DACH2: variants seen among roughly 807,000 people sequenced by gnomAD.
DACH2 encodes the protein dachshund family transcription factor 2, also known as dachshund homolog 2.
Under a neutral mutation model 35.8 loss-of-function variants are expected in DACH2, and 17 were observed. The ratio of observed to expected loss-of-function variants is 0.48; its 90% CI spans 0.33 to 0.71. The LOEUF is 0.71. Ranked by LOEUF, DACH2 falls within the 30% of genes least tolerant of loss-of-function variation. The probability of loss-of-function intolerance (pLI) is 0.02; values close to 1 mark genes in which losing one functional copy is unlikely to be tolerated. For missense variants in DACH2, 469 were observed against 472.7 expected (o/e 0.99, Z 0.07); for synonymous variants, 195 against 177.3 (o/e 1.10, Z -0.79).
chrX:86,609,406 C>A (rs745590937), intron 3 of DACH2, among the ~76,000 whole-genome samples: 8 of 112,237 alleles, frequency 7.1e-5, no homozygotes, highest in Admixed American at 1.9e-4. Flanking sequence ...TTCAATACAA[C>A]TATTTTGAAT....
intron 2 of DACH2, among the ~76,000 whole-genome samples, chrX:86,512,709 T>C (rs1225903641): frequency 8.9e-6 from 1 of 112,212 alleles, no homozygotes; most frequent in African/African-American, 3.2e-5. Context: ...ATGAAGCTTA[T>C]TCGATAAAAT....
chrX:86,255,204 C>G (rs886152879), intron 1 of DACH2, among the ~76,000 whole-genome samples: 3 of 111,129 alleles, frequency 2.7e-5, no homozygotes, highest in Non-Finnish European at 5.7e-5. Flanking sequence ...AAAGTTTTTT[C>G]TCTTTAATGT....
intron 7 of DACH2, chrX:86,799,055 C>A: frequency 3.4e-6 from 1 of 295,369 alleles, no homozygotes. Flanking sequence ...GGTATTCTTT[C>A]CCAAAGATAT....
At chrX:86,603,975 T>A (rs751400718) in intron 3 of DACH2, among the ~76,000 whole-genome samples, 16 of 111,497 alleles carry the variant, frequency 1.4e-4, no homozygotes, top group Non-Finnish European at 2.8e-4. Context: ...CTTATCAGTT[T>A]CTAGTTTCCT....
intron 3 of DACH2, among the ~76,000 whole-genome samples, chrX:86,554,150 T>C (rs968825887): frequency 9.0e-6 from 1 of 111,553 alleles, no homozygotes; most frequent in Non-Finnish European, 1.9e-5. Flanking sequence ...AATGAGAAGT[T>C]AATACAAGAG....
At chrX:86,493,807 C>T (rs975893085) in intron 2 of DACH2, among the ~76,000 whole-genome samples, 1 of 111,679 alleles carries the variant, frequency 9.0e-6, no homozygotes, top group East Asian at 2.8e-4. Flanking sequence ...TACAAAACAG[C>T]GGCAGATAAC....
chrX:86,643,491 C>G (rs1235025411), intron 3 of DACH2, among the ~76,000 whole-genome samples: 1 of 109,665 alleles, frequency 9.1e-6, no homozygotes, highest in African/African-American at 3.3e-5. Context: ...CCAAAAAAAG[C>G]CCAGGACCTG....
At chrX:86,347,136 A>T (rs997218844) in intron 1 of DACH2, among the ~76,000 whole-genome samples, 2 of 111,860 alleles carry the variant, frequency 1.8e-5, no homozygotes, top group Non-Finnish European at 3.8e-5. Context: ...CCCAGAGATA[A>T]TTTTTTTATT....
chrX:86,416,583 C>T (rs73631937), intron 2 of DACH2, among the ~76,000 whole-genome samples: 9,644 of 110,945 alleles, frequency 0.087, 1,061 homozygotes, highest in African/African-American at 0.3. Context: ...TGAAGAGTGT[C>T]TTAGTCCATT....
At chrX:86,816,386 G>A (rs946581146) in intron 11 of DACH2, among the ~76,000 whole-genome samples, 1 of 111,454 alleles carries the variant, frequency 9.0e-6, no homozygotes, top group African/African-American at 3.3e-5. Flanking sequence ...ATACACATTT[G>A]TATGTCAGGC....
At chrX:86,599,288 C>G (rs2039754668) in intron 3 of DACH2, among the ~76,000 whole-genome samples, 1 of 110,974 alleles carries the variant, frequency 9.0e-6, no homozygotes, top group Admixed American at 9.6e-5. Context: ...GCTCATTTCT[C>G]TCAGAATGAA....
At chrX:86,802,900 C>T (rs1194448365) in intron 7 of DACH2, among the ~76,000 whole-genome samples, 2 of 112,119 alleles carry the variant, frequency 1.8e-5, no homozygotes, top group East Asian at 5.6e-4. Flanking sequence ...TTTCTTTCTA[C>T]CTTACCCCAT....
chrX:86,547,122 C>T (rs1295634820), intron 3 of DACH2, among the ~76,000 whole-genome samples: 3 of 110,819 alleles, frequency 2.7e-5, no homozygotes, highest in Non-Finnish European at 3.8e-5. Flanking sequence ...ACATGAAACC[C>T]TCCAGTGCCC....
chrX:86,178,853 C>T (rs1391991403), intron 1 of DACH2, among the ~76,000 whole-genome samples: 1 of 111,735 alleles, frequency 8.9e-6, no homozygotes, highest in East Asian at 2.8e-4. Context: ...TGTGAACACA[C>T]ACATATATGT....
chrX:86,162,955 A>T (rs2030815331), intron 1 of DACH2, among the ~76,000 whole-genome samples: 1 of 111,006 alleles, frequency 9.0e-6, no homozygotes, highest in African/African-American at 3.3e-5. Context: ...GGGGTACATG[A>T]GATATTTTTA....
At chrX:86,452,060 T>A (rs1030694318) in intron 2 of DACH2, among the ~76,000 whole-genome samples, 1 of 111,703 alleles carries the variant, frequency 9.0e-6, no homozygotes, top group Admixed American at 9.5e-5. Context: ...TTATCAAAAG[T>A]GTTTTCTGCA....
chrX:86,412,039 T>C (rs1184156755), intron 2 of DACH2, among the ~76,000 whole-genome samples: 1 of 111,625 alleles, frequency 9.0e-6, no homozygotes, highest in East Asian at 2.8e-4. Flanking sequence ...ACCTCCATTG[T>C]GGAGTAGTAG....
chrX:86,832,205 A>C lies in DACH2; in HGVS notation c.*50A>C, dbSNP rs752073527. ...ATGAAGATGCTTGTGATTCCAGTTT[A>C]TCTCTGAAACTATTCAACATGGAGT... On this transcript the variant is annotated 3_prime_UTR_variant, in exon 12 of 12. Transcript: ENST00000373125. 1 of 984,442 alleles carries C rather than the reference A, an allele frequency of 1.0e-6. No homozygotes were observed. Among genetic ancestry groups the C allele is most frequent in the Non-Finnish European group, 1.4e-6 (1 of 695,485 alleles). 81.1% of individuals were successfully genotyped at this position (984,442 alleles called of 1,213,427 possible).
At chrX:86,502,118 G>A (rs772042085) in intron 2 of DACH2, among the ~76,000 whole-genome samples, 2 of 109,131 alleles carry the variant, frequency 1.8e-5, no homozygotes, top group Non-Finnish European at 3.8e-5. Context: ...TACTCACACG[G>A]TAAGATACAG....
Sources: allele counts gnomAD v4.1 joint callset (sites outside exome capture counted in the v4.1 genomes callset), GRCh38; gene constraint gnomAD v4.1.1; transcripts MANE v1.5; gene names NCBI Gene and HGNC (gene_info 2026-07-23, HGNC 2026-07-21).